NXPE4: variants seen among roughly 807,000 people sequenced by gnomAD.
NXPE4 encodes neurexophilin and PC-esterase domain family member 4, also known as NXPE family member 4.
In NXPE4, 42 loss-of-function variants were observed where a neutral mutation model predicts 33.3. The observed-to-expected ratio is 1.26, with a 90% CI of 0.98 to 1.63. The LOEUF (loss-of-function observed/expected upper bound fraction) is 1.63, where lower values mean the gene tolerates loss of function less well. NXPE4 is among the 40% of genes most tolerant of loss of function. The pLI, the probability that NXPE4 is intolerant of heterozygous loss-of-function variation, is 0.00. For missense variants in NXPE4, 709 were observed against 647.6 expected, an observed-to-expected ratio of 1.09 and a Z score of -1.03; for synonymous variants, 253 against 234.9, an observed-to-expected ratio of 1.08 and a Z score of -0.71.
chr11:114,640,552 T>C, the NXPE4 span, among the ~76,000 whole-genome samples: 1,957 of 151,934 alleles, frequency 0.013, 31 homozygotes, highest in African/African-American at 0.045. Flanking sequence ...ACAGAGGTTG[T>C]ACTAATTTAC....
intron 2 of NXPE4, among the ~76,000 whole-genome samples, chr11:114,586,227 G>A (rs929181716): frequency 6.6e-6 from 1 of 152,072 alleles, no homozygotes; most frequent in Non-Finnish European, 1.5e-5. Context: ...TCTTTCTTTT[G>A]CCTGTTAAAC....
At chr11:114,580,068 C>T (rs888419053) in intron 5 of NXPE4, 64 bp downstream of exon 5, 4 of 1,343,638 alleles carry the variant, frequency 3.0e-6, no homozygotes, top group East Asian at 2.3e-5. Flanking sequence ...ATTCCCTTCT[C>T]CCCTTTGAAA....
chr11:114,582,199 T>C, intron 3 of NXPE4, 89 bp downstream of exon 3: 1 of 1,400,028 alleles, frequency 7.1e-7, no homozygotes. Context: ...CACCCAAAAT[T>C]AATACACTCA....
At chr11:114,577,036 TATATAAA>T (rs1949015973) in intron 5 of NXPE4, among the ~76,000 whole-genome samples, 1 of 30,616 alleles carries the variant, frequency 3.3e-5, no homozygotes, top group African/African-American at 1.6e-4. Context: ...TACATATATA[TATATAAA>T]GTTATATATA....
the NXPE4 span, among the ~76,000 whole-genome samples, chr11:114,627,730 G>A: frequency 6.6e-6 from 1 of 152,142 alleles, no homozygotes; most frequent in Non-Finnish European, 1.5e-5. Context: ...TTGGCAAATT[G>A]GTTAAAGAGT....
Position 114,571,450 on chromosome 11 carries a change from C to T in NXPE4, c.1123G>A (p.Glu375Lys). The change falls in exon 6 of 6, where the codon GAA (glutamate) becomes AAA (lysine). Residue 375 changes from glutamate to lysine, a missense_variant. Physicochemically the swap from Glu to Lys is moderately conservative, Grantham distance 56. Coordinates refer to ENST00000375478, the MANE Select transcript of NXPE4 (RefSeq NM_001077639.2). The stretch of plus-strand genomic sequence containing the variant: ...AGCTGGTGTTGCAATTTTCCAGATT[C>T]ATGCAGATCCACTGACTTCAGTGCT... ...INTLKSVDLHESGKLQHQLAV... is the reference protein window; with the variant it reads ...INTLKSVDLHKSGKLQHQLAV... The T allele has an allele frequency of 6.2e-7, 1 of 1,608,758 alleles. No individual in the cohort carries two copies. The highest frequency in any genetic ancestry group is 8.5e-7 in the Non-Finnish European group (1 of 1,175,962).
At chr11:114,587,173 C>G (rs1949323017) in intron 2 of NXPE4, among the ~76,000 whole-genome samples, 1 of 152,142 alleles carries the variant, frequency 6.6e-6, no homozygotes, top group African/African-American at 2.4e-5. Context: ...CAAGAAAACT[C>G]TGTCTTCAAC....
chr11:114,606,139 G>T, the NXPE4 span, among the ~76,000 whole-genome samples: 1 of 151,860 alleles, frequency 6.6e-6, no homozygotes, highest in Non-Finnish European at 1.5e-5. Context: ...TGTCTCTAGG[G>T]TAACCACTGT....
At chr11:114,608,283 C>T in the NXPE4 span, among the ~76,000 whole-genome samples, 2 of 151,718 alleles carry the variant, frequency 1.3e-5, no homozygotes, top group African/African-American at 2.4e-5. Flanking sequence ...CCACTGTTAC[C>T]CAGTATTTAA....
the NXPE4 span, among the ~76,000 whole-genome samples, chr11:114,601,380 A>T: frequency 6.9e-6 from 1 of 144,376 alleles, no homozygotes. Context: ...ACTTAGGATA[A>T]TACCCTCCAG....
the NXPE4 span, among the ~76,000 whole-genome samples, chr11:114,630,124 A>C: frequency 4.0e-5 from 6 of 151,702 alleles, no homozygotes; most frequent in African/African-American, 9.7e-5. Context: ...TCAATGCTGT[A>C]CCCATCAAGC....
chr11:114,587,880 G>C (rs368076442), intron 2 of NXPE4, among the ~76,000 whole-genome samples: 29 of 152,246 alleles, frequency 1.9e-4, no homozygotes, highest in African/African-American at 5.8e-4. Context: ...TTTTGCATAA[G>C]GGTGTGGCCT....
chr11:114,651,179 T>C, the NXPE4 span, among the ~76,000 whole-genome samples: 1 of 152,130 alleles, frequency 6.6e-6, no homozygotes, highest in African/African-American at 2.4e-5. Context: ...AATGAAGCCG[T>C]GGACCCTCGC....
chr11:114,632,956 A>G, the NXPE4 span, among the ~76,000 whole-genome samples: 1 of 101,772 alleles, frequency 9.8e-6, no homozygotes, highest in Admixed American at 1.6e-4. Flanking sequence ...ATGATATTTT[A>G]TATAATTATA....
chr11:114,583,687 C>T (rs1179077215), intron 2 of NXPE4: 3 of 579,576 alleles, frequency 5.2e-6, no homozygotes, highest in Middle Eastern at 4.3e-4. Context: ...CAAAGAAGTT[C>T]AAGGCATCTG....
the NXPE4 span, among the ~76,000 whole-genome samples, chr11:114,618,335 A>G: frequency 6.8e-4 from 103 of 151,924 alleles, no homozygotes; most frequent in African/African-American, 2.4e-3. Context: ...TTCTAGGGTA[A>G]CCACTGTTAC....
the NXPE4 span, among the ~76,000 whole-genome samples, chr11:114,675,595 A>G: frequency 3.9e-5 from 6 of 151,916 alleles, no homozygotes; most frequent in Non-Finnish European, 8.8e-5. Flanking sequence ...TTCATGAAGT[A>G]GGGAAAAGAT....
At chr11:114,613,931 A>G in the NXPE4 span, among the ~76,000 whole-genome samples, 2 of 151,960 alleles carry the variant, frequency 1.3e-5, no homozygotes, top group Admixed American at 6.6e-5. Flanking sequence ...GTGGATAATA[A>G]GTATTGCCTC....
the NXPE4 span, among the ~76,000 whole-genome samples, chr11:114,630,903 G>A: frequency 2.0e-5 from 3 of 151,776 alleles, no homozygotes; most frequent in East Asian, 1.9e-4. Context: ...CATTTATGCA[G>A]CCAAAAAACA....
Sources: allele counts gnomAD v4.1 joint callset (sites outside exome capture counted in the v4.1 genomes callset), GRCh38; gene constraint gnomAD v4.1.1; transcripts MANE v1.5; gene names NCBI Gene and HGNC (gene_info 2026-07-23, HGNC 2026-07-21).